Variants in CNTNAP5 observed in about 807,000 individuals in gnomAD.
CNTNAP5 encodes contactin associated protein family member 5.
In CNTNAP5, 72 loss-of-function variants were observed where a neutral mutation model predicts 150.2. The ratio of observed to expected loss-of-function variants is 0.48; its 90% confidence interval spans 0.40 to 0.58. The LOEUF (loss-of-function observed/expected upper bound fraction) is 0.58, where lower values mean the gene tolerates loss of function less well. Ranked by LOEUF, CNTNAP5 falls within the 20% of genes least tolerant of loss-of-function variation. The probability of loss-of-function intolerance (pLI) is 0.00; values close to 1 mark genes in which losing one functional copy is unlikely to be tolerated. For synonymous variants in CNTNAP5, 672 were observed against 619.8 expected, an observed-to-expected ratio of 1.08 and a Z score of -1.25; for missense variants, 1,636 against 1,626.2, an observed-to-expected ratio of 1.01 and a Z score of -0.10.
intron 1 of CNTNAP5, among the ~76,000 whole-genome samples, chr2:124,138,841 C>A (rs1485333859): frequency 6.7e-6 from 1 of 150,056 alleles, no homozygotes; most frequent in Non-Finnish European, 1.5e-5. Flanking sequence ...ACACACACCA[C>A]ATATCATATA....
chr2:124,304,614 C>G (rs1406280868), intron 3 of CNTNAP5, among the ~76,000 whole-genome samples: 1 of 152,086 alleles, frequency 6.6e-6, no homozygotes, highest in East Asian at 1.9e-4. Context: ...AAATAACATT[C>G]TGGCTACAAT....
intron 19 of CNTNAP5, among the ~76,000 whole-genome samples, chr2:124,863,332 G>T (rs1677563654): frequency 1.3e-5 from 2 of 152,188 alleles, no homozygotes; most frequent in South Asian, 4.1e-4. Flanking sequence ...CCCTGCCAGG[G>T]GCAGGAGGGG....
chr2:124,547,555 G>T (rs557612392), intron 10 of CNTNAP5, among the ~76,000 whole-genome samples: 1 of 152,260 alleles, frequency 6.6e-6, no homozygotes, highest in African/African-American at 2.4e-5. Flanking sequence ...TGATCAAGGG[G>T]CTCCTGTTGT....
At chr2:124,354,400 T>C (rs1031607408) in intron 3 of CNTNAP5, among the ~76,000 whole-genome samples, 3 of 152,116 alleles carry the variant, frequency 2.0e-5, no homozygotes, top group Non-Finnish European at 2.9e-5. Context: ...GAAAATTAAA[T>C]GTATTGGACC....
At chr2:124,072,371 T>A (rs2104665656) in intron 1 of CNTNAP5, among the ~76,000 whole-genome samples, 1 of 152,076 alleles carries the variant, frequency 6.6e-6, no homozygotes, top group East Asian at 1.9e-4. Flanking sequence ...GTACTGGTAG[T>A]CCTAGCTAGA....
At chr2:124,883,682 C>G (rs935452177) in intron 21 of CNTNAP5, among the ~76,000 whole-genome samples, 1 of 152,032 alleles carries the variant, frequency 6.6e-6, no homozygotes, top group Admixed American at 6.6e-5. Context: ...TTGCATTTGT[C>G]CATGTGTGTA....
At chr2:124,724,977 A>G (rs1423505168) in intron 13 of CNTNAP5, among the ~76,000 whole-genome samples, 1 of 148,862 alleles carries the variant, frequency 6.7e-6, no homozygotes, top group Non-Finnish European at 1.5e-5. Context: ...TTTCTCTAAG[A>G]AATTCTTCCC....
intron 14 of CNTNAP5, among the ~76,000 whole-genome samples, chr2:124,756,212 A>G (rs190051627): frequency 1.4e-3 from 210 of 152,340 alleles, no homozygotes; most frequent in African/African-American, 3.9e-3. Flanking sequence ...CAAAACCACA[A>G]TGAGATACCA....
chr2:124,360,409 G>A lies in CNTNAP5; in HGVS notation c.382-57034G>A, dbSNP rs185010142. 4.2e-3 allele frequency among the ~76,000 whole-genome samples: 626 copies of A among 148,202 alleles called. 8 individuals carry two copies. The highest frequency in any genetic ancestry group is 0.015 in the African/African-American group (598 of 41,100). The stretch of plus-strand genomic sequence containing the variant: ...ATGCAGTTTCTTCCTAGTCTTGATG[G>A]TCTTTACATTTTGGCTTGATTTTGC... On this transcript the variant is annotated intron_variant, in intron 3 of 23. Coordinates refer to ENST00000682447, the MANE Select transcript of CNTNAP5 (RefSeq NM_001367498.1).
chr2:124,693,626 C>T (rs898929989), intron 13 of CNTNAP5, among the ~76,000 whole-genome samples: 1 of 152,036 alleles, frequency 6.6e-6, no homozygotes, highest in Non-Finnish European at 1.5e-5. Context: ...GTTCCTGACG[C>T]CCCTGTGGAG....
chr2:124,846,299 T>C (rs184405869), intron 19 of CNTNAP5, among the ~76,000 whole-genome samples: 1 of 152,316 alleles, frequency 6.6e-6, no homozygotes, highest in Admixed American at 6.5e-5. Context: ...TTTGTCTTTG[T>C]TGAATTGGGT....
At chr2:124,784,309 C>T (rs958160638) in intron 17 of CNTNAP5, among the ~76,000 whole-genome samples, 3 of 152,162 alleles carry the variant, frequency 2.0e-5, no homozygotes, top group African/African-American at 7.2e-5. Context: ...AGCAGATACA[C>T]ATGAGAGAAA....
intron 13 of CNTNAP5, among the ~76,000 whole-genome samples, chr2:124,667,097 A>G (rs755804137): frequency 1.3e-5 from 2 of 152,258 alleles, no homozygotes; most frequent in Non-Finnish European, 2.9e-5. Flanking sequence ...GACTTTAAAC[A>G]TCTTGGTAGC....
intron 3 of CNTNAP5, among the ~76,000 whole-genome samples, chr2:124,245,447 A>G (rs13387659): frequency 0.3 from 45,254 of 151,814 alleles, 6,850 homozygotes; most frequent in South Asian, 0.48. Flanking sequence ...GACAAGAACA[A>G]TAGTCAAACA....
chr2:124,738,511 T>G (rs1359010622), intron 13 of CNTNAP5, among the ~76,000 whole-genome samples: 4 of 151,986 alleles, frequency 2.6e-5, no homozygotes, highest in Non-Finnish European at 5.9e-5. Context: ...GGCAGGCAGA[T>G]CAACTGAGGT....
At chr2:124,725,966 G>GTA (rs1002278924) in intron 13 of CNTNAP5, among the ~76,000 whole-genome samples, 3 of 151,738 alleles carry the variant, frequency 2.0e-5, no homozygotes, top group South Asian at 2.1e-4. Flanking sequence ...ATGCGTGTGT[G>GTA]TATATATATA....
At chr2:124,089,722 T>G (rs1343457292) in intron 1 of CNTNAP5, among the ~76,000 whole-genome samples, 1 of 152,226 alleles carries the variant, frequency 6.6e-6, no homozygotes. Flanking sequence ...TCTGCTCCCA[T>G]AAAAGGACTA....
At chr2:124,784,330 G>A (rs944203305) in intron 17 of CNTNAP5, among the ~76,000 whole-genome samples, 4 of 152,196 alleles carry the variant, frequency 2.6e-5, no homozygotes, top group East Asian at 1.9e-4. Context: ...TAGAGGCTCC[G>A]CGTTTGTGCT....
At chr2:124,081,040 A>C (rs76004063) in intron 1 of CNTNAP5, among the ~76,000 whole-genome samples, 1,984 of 152,306 alleles carry the variant, frequency 0.013, 46 homozygotes, top group African/African-American at 0.045. Context: ...TCTTGTAGTC[A>C]TAAATCATCT....
Sources: allele counts gnomAD v4.1 joint callset (sites outside exome capture counted in the v4.1 genomes callset), GRCh38; gene constraint gnomAD v4.1.1; transcripts MANE v1.5; gene names NCBI Gene and HGNC (gene_info 2026-07-23, HGNC 2026-07-21).